ADGRE1: variants seen among roughly 807,000 people sequenced by gnomAD.
ADGRE1 encodes the protein adhesion G protein-coupled receptor E1, also known as EGF-like module receptor 1.
Under a neutral mutation model 102.7 loss-of-function variants are expected in ADGRE1, and 82 were observed. That is an observed-to-expected ratio of 0.80 (90% CI 0.67 to 0.96). The LOEUF is 0.96. Among genes scored for constraint, ADGRE1 ranks in the 40% least tolerant of loss-of-function variants. The probability of loss-of-function intolerance (pLI) is 0.00; values close to 1 mark genes in which losing one functional copy is unlikely to be tolerated. For missense variants in ADGRE1, 1,032 were observed against 1,085.3 expected (o/e 0.95, Z 0.69); for synonymous variants, 398 against 399.6 (o/e 1.00, Z 0.05).
Position 6,939,972 on chromosome 19 carries a change from G to A in ADGRE1, c.2656-52G>A, listed in dbSNP as rs372028235. The A allele has an allele frequency of 1.2e-4, 188 of 1,605,010 alleles. 1 individual carries two copies. Among genetic ancestry groups the A allele is most frequent in the East Asian group, 7.4e-4 (33 of 44,842 alleles). On this transcript the variant is annotated intron_variant, in intron 20 of 20. Coordinates refer to ENST00000312053, the MANE Select transcript of ADGRE1 (RefSeq NM_001974.5). ...CTGTAGACATGACCCTTGGAATCAC[G>A]TTTGTATTAATTCTGCTGCAGACTC...
intron 15 of ADGRE1, 140 bp downstream of exon 15, chr19:6,925,012 C>T: frequency 1.3e-6 from 1 of 761,564 alleles, no homozygotes; most frequent in Non-Finnish European, 2.1e-6. Flanking sequence ...GTAACACTCA[C>T]TTCCCAGCTT....
intron 5 of ADGRE1, among the ~76,000 whole-genome samples, chr19:6,899,830 T>C (rs1599719017): frequency 6.6e-6 from 1 of 151,594 alleles, no homozygotes; most frequent in African/African-American, 2.4e-5. Context: ...CAGTGGCTCC[T>C]GCGTGTAATC....
chr19:6,906,668 T>G, intron 9 of ADGRE1, 147 bp downstream of exon 9: 1 of 664,084 alleles, frequency 1.5e-6, no homozygotes, highest in Non-Finnish European at 2.6e-6. Flanking sequence ...ACCTGCTGAG[T>G]GTAAGCTGTG....
rs1466866693 is a variant in ADGRE1 at position 6,896,712 on chromosome 19, T to G, written c.238+171T>G. 5.6e-6 allele frequency: 4 copies of G among 708,038 alleles called. No individual in the cohort carries two copies. The South Asian group carries it at 6.5e-5, about 11-fold the overall frequency. 43.9% of individuals were successfully genotyped at this position (708,038 alleles called of 1,614,324 possible). A position where few individuals can be genotyped will look rare whatever the true frequency, so the allele number is the denominator to read the frequency against. ...TTTCTGTTCAAGGTTAATATTGATA[T>G]GTGGGGGTGTTGTTACTGTCACAGC... On this transcript the variant is annotated intron_variant, in intron 3 of 20. Transcript: ENST00000312053.
intron 17 of ADGRE1, among the ~76,000 whole-genome samples, chr19:6,934,752 C>A (rs1399492175): frequency 1.3e-5 from 2 of 150,926 alleles, no homozygotes; most frequent in East Asian, 3.9e-4. Context: ...CATCCACCAC[C>A]ATGCATGGCT....
intron 2 of ADGRE1, among the ~76,000 whole-genome samples, chr19:6,893,990 G>C (rs2144885341): frequency 6.6e-6 from 1 of 152,270 alleles, no homozygotes; most frequent in East Asian, 1.9e-4. Context: ...TGGCTGGCCA[G>C]CTCTTTCTTA....
rs767849100 is a variant in ADGRE1 at position 6,896,447 on chromosome 19, C to T, written c.144C>T (p.Thr48=). ...TGTGCCCAGCTTATGCCACCTGCAC[C>T]AATACAGTGGACAGTTACTATTGCG... The part of the protein sequence containing the change: ...STLCPAYATC[T]NTVDSYYCAC... The change falls in exon 3 of 21, where the codon ACC becomes ACT. Residue 48 remains threonine (T), a synonymous_variant. Coordinates refer to ENST00000312053, the MANE Select transcript of ADGRE1 (RefSeq NM_001974.5). 1.2e-6 allele frequency: 2 copies of T among 1,613,978 alleles called. No homozygotes were observed. The highest frequency in any genetic ancestry group is 2.7e-5 in the African/African-American group (2 of 74,888).
chr19:6,903,885 G>C lies in ADGRE1; in HGVS notation c.737G>C (p.Cys246Ser). 1 of 1,614,130 alleles carries C rather than the reference G, an allele frequency of 6.2e-7. No individual in the cohort carries two copies. The highest frequency in any genetic ancestry group is 1.1e-5 in the South Asian group (1 of 91,080). The change falls in exon 7 of 21, where the codon TGC (cysteine) becomes TCC (serine). Residue 246 changes from cysteine to serine, a missense_variant. Transcript: ENST00000312053. The stretch of plus-strand genomic sequence containing the variant: ...ACTCCTGGGAGCTACTTTTGCACCT[G>C]CCACCCTGGCTTTGCACCAAGCAAT... ...TNTPGSYFCT[C>S]HPGFAPSNGQ...
intron 1 of ADGRE1, 151 bp downstream of exon 1, chr19:6,887,790 T>G (rs1243243676): frequency 1.8e-5 from 15 of 816,662 alleles, no homozygotes; most frequent in Admixed American, 2.9e-5. Context: ...TTTGACAAAA[T>G]TCCATAGCTC....
chr19:6,938,755 T>A (rs10412305), intron 20 of ADGRE1, among the ~76,000 whole-genome samples: 2,271 of 150,946 alleles, frequency 0.015, 55 homozygotes, highest in African/African-American at 0.047. Context: ...GAGGTAGGTA[T>A]CACTGCTCTA....
chr19:6,906,778 G>A (rs1196710194), intron 9 of ADGRE1, among the ~76,000 whole-genome samples: 1 of 152,140 alleles, frequency 6.6e-6, no homozygotes, highest in Admixed American at 6.6e-5. Context: ...CCTCACATCT[G>A]CATTCCAGCT....
chr19:6,900,798 C>G (rs1973740498), intron 5 of ADGRE1, among the ~76,000 whole-genome samples: 1 of 152,200 alleles, frequency 6.6e-6, no homozygotes, highest in Non-Finnish European at 1.5e-5. Context: ...TCATCTCTGC[C>G]TTTGCTACTC....
In ADGRE1 at chr19:6,903,900, C is replaced by T; in HGVS notation, c.752C>T (p.Ala251Val). The T allele has an allele frequency of 6.2e-7, 1 of 1,614,178 alleles. No individual in the cohort carries two copies. Among genetic ancestry groups the T allele is most frequent in the Non-Finnish European group, 8.5e-7 (1 of 1,180,034 alleles). Reference protein sequence around the residue: ...SYFCTCHPGFAPSNGQLNFTD... With the variant: ...SYFCTCHPGFVPSNGQLNFTD... ...TTTTGCACCTGCCACCCTGGCTTTG[C>T]ACCAAGCAATGGACAGTTGAATTTC... is the stretch of plus-strand genomic sequence containing the variant. The change falls in exon 7 of 21, where the codon GCA (alanine) becomes GTA (valine). Residue 251 changes from alanine to valine, a missense_variant. Ala to Val is a moderately conservative substitution (Grantham distance 64, BLOSUM62 0). Coordinates refer to ENST00000312053, the MANE Select transcript of ADGRE1 (RefSeq NM_001974.5).
intron 1 of ADGRE1, among the ~76,000 whole-genome samples, chr19:6,890,018 T>C (rs1219116315): frequency 6.6e-6 from 1 of 152,078 alleles, no homozygotes; most frequent in Non-Finnish European, 1.5e-5. Context: ...GCTCAAGCAA[T>C]CCTTCCACCT....
chr19:6,936,833 G>C (rs1386456800), intron 18 of ADGRE1, among the ~76,000 whole-genome samples: 2 of 152,098 alleles, frequency 1.3e-5, no homozygotes, highest in Non-Finnish European at 2.9e-5. Context: ...ATGTTAACCA[G>C]GCTGGGCTCG....
intron 18 of ADGRE1, among the ~76,000 whole-genome samples, chr19:6,935,837 C>T (rs189496244): frequency 5.2e-4 from 79 of 152,286 alleles, no homozygotes; most frequent in South Asian, 3.3e-3. Flanking sequence ...TACCTATTTA[C>T]TTGCAACATT....
At chr19:6,908,654 CA>C (rs1274918011) in intron 9 of ADGRE1, 34 bp from the exon 10 acceptor site, 3 of 1,370,452 alleles carry the variant, frequency 2.2e-6, no homozygotes, top group Non-Finnish European at 2.9e-6. Context: ...GATTCATGCT[CA>C]CAAATGCTCT....
intron 1 of ADGRE1, among the ~76,000 whole-genome samples, chr19:6,889,223 GTGGTGATGGTGATAA>G (rs1218812153): frequency 2.0e-5 from 3 of 150,540 alleles, no homozygotes; most frequent in South Asian, 2.1e-4. Flanking sequence ...GATGATGATG[GTGGTGATGGTGATAA>G]TGGTGATGGT....
At chr19:6,889,549 C>G (rs539795180) in intron 1 of ADGRE1, among the ~76,000 whole-genome samples, 11 of 151,390 alleles carry the variant, frequency 7.3e-5, no homozygotes, top group Admixed American at 5.9e-4. Context: ...ATTAGCTGGG[C>G]GTGGTGGTGC....
Sources: allele counts gnomAD v4.1 joint callset (sites outside exome capture counted in the v4.1 genomes callset), GRCh38; gene constraint gnomAD v4.1.1; transcripts MANE v1.5; gene names NCBI Gene and HGNC (gene_info 2026-07-23, HGNC 2026-07-21).